Variants in CTNND2 observed in about 807,000 individuals in gnomAD.
CTNND2 encodes the protein catenin delta 2, also known as catenin delta-2.
In CTNND2, 22 loss-of-function variants were observed where a neutral mutation model predicts 144.4. That is an observed-to-expected ratio of 0.15 (90% CI 0.11 to 0.22). The LOEUF (loss-of-function observed/expected upper bound fraction) is 0.22. CTNND2 is among the 10% of genes least tolerant of loss of function. The pLI, the probability that CTNND2 is intolerant of heterozygous loss-of-function variation, is 1.00. For synonymous variants in CTNND2, 751 were observed against 695.6 expected (o/e 1.08, Z -1.25); for missense variants, 1,353 against 1,618.8 (o/e 0.84, Z 2.82).
intron 9 of CTNND2, among the ~76,000 whole-genome samples, chr5:11,337,139 TC>T (rs1753814829): frequency 6.6e-6 from 1 of 152,120 alleles, no homozygotes. Context: ...CGAAACCACT[TC>T]CCAGAACTCT....
At chr5:11,774,105 G>C (rs1376224387) in intron 1 of CTNND2, among the ~76,000 whole-genome samples, 2 of 151,964 alleles carry the variant, frequency 1.3e-5, no homozygotes, top group African/African-American at 4.8e-5. Flanking sequence ...TTTTACAAAA[G>C]AACTGAACTT....
intron 2 of CTNND2, among the ~76,000 whole-genome samples, chr5:11,650,778 G>A (rs1782606878): frequency 6.6e-6 from 1 of 152,182 alleles, no homozygotes; most frequent in Non-Finnish European, 1.5e-5. Context: ...ATGATTTAAG[G>A]TATCTGGTGG....
chr5:11,128,828 A>G (rs1216650089), intron 12 of CTNND2, among the ~76,000 whole-genome samples: 3 of 70,588 alleles, frequency 4.3e-5, no homozygotes. Flanking sequence ...TATATATTAT[A>G]TATTATATTA....
intron 1 of CTNND2, among the ~76,000 whole-genome samples, chr5:11,835,794 T>C (rs1794145407): frequency 2.0e-5 from 3 of 152,204 alleles, no homozygotes; most frequent in Non-Finnish European, 4.4e-5. Flanking sequence ...TTTGTCTCTC[T>C]TTAATTCCAT....
chr5:11,325,794 C>T (rs1752465224), intron 9 of CTNND2, among the ~76,000 whole-genome samples: 1 of 151,750 alleles, frequency 6.6e-6, no homozygotes, highest in Non-Finnish European at 1.5e-5. Flanking sequence ...ATCAACCAGC[C>T]ACCCGATGCT....
intron 1 of CTNND2, among the ~76,000 whole-genome samples, chr5:11,757,005 A>C (rs1456607528): frequency 6.6e-6 from 1 of 151,704 alleles, no homozygotes; most frequent in Non-Finnish European, 1.5e-5. Context: ...AAAATTACAC[A>C]ATATCTGGTT....
intron 2 of CTNND2, among the ~76,000 whole-genome samples, chr5:11,568,486 G>A (rs925061665): frequency 6.6e-6 from 1 of 152,182 alleles, no homozygotes; most frequent in Admixed American, 6.5e-5. Flanking sequence ...ACCCTGAACT[G>A]GAATGGTATT....
chr5:11,397,757 T>C (rs1240184733), intron 5 of CTNND2, among the ~76,000 whole-genome samples: 4 of 152,152 alleles, frequency 2.6e-5, no homozygotes, highest in Non-Finnish European at 5.9e-5. Flanking sequence ...CCTCACATAA[T>C]CCCTGATGAC....
intron 11 of CTNND2, among the ~76,000 whole-genome samples, chr5:11,165,790 T>G (rs1444770191): frequency 1.3e-5 from 2 of 152,230 alleles, no homozygotes; most frequent in Non-Finnish European, 2.9e-5. Flanking sequence ...AATAAAACCT[T>G]AATTACTTTC....
chr5:11,052,292 T>C (rs1311723742), intron 16 of CTNND2, among the ~76,000 whole-genome samples: 3 of 152,170 alleles, frequency 2.0e-5, no homozygotes, highest in Non-Finnish European at 2.9e-5. Context: ...GAACTAAAAC[T>C]ATGTACCCTC....
chr5:11,270,540 A>G (rs575677211), intron 9 of CTNND2, among the ~76,000 whole-genome samples: 3 of 152,176 alleles, frequency 2.0e-5, no homozygotes, highest in East Asian at 3.9e-4. Context: ...TTGCAGTGTC[A>G]GATTTCTGTC....
intron 10 of CTNND2, among the ~76,000 whole-genome samples, chr5:11,201,101 T>C (rs2149830653): frequency 6.6e-6 from 1 of 152,358 alleles, no homozygotes; most frequent in Admixed American, 6.5e-5. Context: ...TATCTTCAAG[T>C]GCTATTGAAT....
rs748852904 is a variant in CTNND2 at position 10,988,061 on chromosome 5, C to T, written c.3343+50G>A. 2.4e-5 allele frequency: 38 copies of T among 1,610,716 alleles called. No homozygotes were observed. In the South Asian group the frequency reaches 2.7e-4, roughly 11 times the overall value. On this transcript the variant is annotated intron_variant, in intron 20 of 21. Coordinates refer to ENST00000304623, the MANE Select transcript of CTNND2 (RefSeq NM_001332.4). The surrounding 1 kb of genome is among the most constrained non-coding windows in gnomAD (Gnocchi z 5.9). ...CTGATGTCCCATATCTCTGCCTTGT[C>T]GCGGGTCAAGCCACCAAGTTCCAGG...
At position 11,446,337 on chromosome 5, in the gene CTNND2, T is replaced by A. The variant is rs572239109; in HGVS notation, c.288-34268A>T. ...CAGTAGTCATTAGTGATGCTAGCAA[T>A]GACTCCAGTTCTTCTCCTCGGTTCA... On this transcript the variant is annotated intron_variant, in intron 3 of 21. Transcript: ENST00000304623. Among the ~76,000 whole-genome samples the A allele has an allele frequency of 2.6e-5, 4 of 152,298 alleles. No homozygotes were observed. The South Asian group carries it at 6.2e-4, about 24-fold the overall frequency.
At chr5:11,895,293 G>A (rs1737303829) in intron 1 of CTNND2, among the ~76,000 whole-genome samples, 1 of 152,110 alleles carries the variant, frequency 6.6e-6, no homozygotes, top group East Asian at 1.9e-4. Context: ...AAAAGCATCT[G>A]GCATCTGTAT....
intron 2 of CTNND2, among the ~76,000 whole-genome samples, chr5:11,656,430 AT>A (rs1441434233): frequency 4.7e-5 from 7 of 149,796 alleles, no homozygotes; most frequent in African/African-American, 1.7e-4. Flanking sequence ...AAAAAAAAAA[AT>A]ATACTAATGT....
At chr5:11,783,220 G>T (rs1217745022) in intron 1 of CTNND2, among the ~76,000 whole-genome samples, 1 of 152,174 alleles carries the variant, frequency 6.6e-6, no homozygotes, top group Non-Finnish European at 1.5e-5. Context: ...GAATTTCCTA[G>T]TTGGTTTTTC....
At chr5:11,442,328 T>C (rs1302793079) in intron 3 of CTNND2, among the ~76,000 whole-genome samples, 1 of 152,230 alleles carries the variant, frequency 6.6e-6, no homozygotes, top group African/African-American at 2.4e-5. Flanking sequence ...GTAGATTAAA[T>C]TAGAATCCCT....
chr5:11,166,861 G>A (rs148339206), intron 11 of CTNND2, among the ~76,000 whole-genome samples: 2 of 152,044 alleles, frequency 1.3e-5, no homozygotes, highest in Non-Finnish European at 2.9e-5. Context: ...AGTCCTTCTA[G>A]ATGGAAAACA....
Sources: gnomAD v4.1 joint callset for allele counts (sites outside exome capture counted in the v4.1 genomes callset) on GRCh38, gnomAD v4.1.1 for gene constraint, Gnocchi (gnomAD v3.1) non-coding constraint, MANE v1.5 for transcripts, NCBI Gene and HGNC (gene_info 2026-07-23, HGNC 2026-07-21) for gene names.